Variants in FILIP1 observed in about 807,000 individuals in gnomAD.
FILIP1 encodes the protein filamin A interacting protein 1, also known as filamin-A-interacting protein 1.
In FILIP1, 61 loss-of-function variants were observed where a neutral mutation model predicts 102.1. The observed-to-expected ratio is 0.60, with a 90% CI of 0.49 to 0.74. The LOEUF is 0.74. Ranked by LOEUF, FILIP1 falls within the 30% of genes least tolerant of loss-of-function variation. FILIP1 has a pLI of 0.00. For missense variants in FILIP1, 1,314 were observed against 1,441.2 expected (o/e 0.91, Z 1.43); for synonymous variants, 491 against 526.9 (o/e 0.93, Z 0.93).
At chr6:75,420,923 C>T (rs1777441725) in intron 1 of FILIP1, among the ~76,000 whole-genome samples, 1 of 152,068 alleles carries the variant, frequency 6.6e-6, no homozygotes, top group Non-Finnish European at 1.5e-5. Flanking sequence ...GAATTTATAA[C>T]ATTTTACATA....
chr6:75,474,406 C>A (rs202189638), intron 1 of FILIP1, among the ~76,000 whole-genome samples: 1 of 152,160 alleles, frequency 6.6e-6, no homozygotes, highest in East Asian at 1.9e-4. Flanking sequence ...AACATCCATG[C>A]TGTCTTTATT....
intron 1 of FILIP1, among the ~76,000 whole-genome samples, chr6:75,457,540 C>T (rs1175652853): frequency 6.6e-6 from 1 of 151,982 alleles, no homozygotes. Context: ...ATAAGTTCCA[C>T]AAAGTTAGAA....
intron 2 of FILIP1, among the ~76,000 whole-genome samples, chr6:75,403,898 G>A (rs1168249710): frequency 6.6e-6 from 1 of 152,148 alleles, no homozygotes; most frequent in Non-Finnish European, 1.5e-5. Context: ...TGACCTTCTA[G>A]TCCCCAATGC....
chr6:75,385,829 T>C (rs1160958397), intron 2 of FILIP1: 3 of 151,200 alleles, frequency 2.0e-5, no homozygotes, highest in East Asian at 1.9e-4. Flanking sequence ...CCATTACTTG[T>C]AGCCCCTTAG....
chr6:75,330,436 T>C (rs1774037701), intron 4 of FILIP1, among the ~76,000 whole-genome samples: 1 of 152,092 alleles, frequency 6.6e-6, no homozygotes, highest in African/African-American at 2.4e-5. Flanking sequence ...ACCAGCAACG[T>C]TTTGGAGCCT....
intron 2 of FILIP1, among the ~76,000 whole-genome samples, chr6:75,379,098 T>C (rs1022433747): frequency 6.6e-6 from 1 of 152,176 alleles, no homozygotes; most frequent in African/African-American, 2.4e-5. Context: ...TGAAGTAAGG[T>C]GAATAACTTA....
At chr6:75,411,681 C>T (rs1035458856) in intron 2 of FILIP1, among the ~76,000 whole-genome samples, 1 of 152,064 alleles carries the variant, frequency 6.6e-6, no homozygotes, top group Non-Finnish European at 1.5e-5. Flanking sequence ...AAATCCTTTC[C>T]CCATTGCTTG....
At chr6:75,372,695 G>GAAAGAGAAAGAAAGAGAA (rs1554204888) in intron 2 of FILIP1, among the ~76,000 whole-genome samples, 1 of 28,342 alleles carries the variant, frequency 3.5e-5, no homozygotes, top group Admixed American at 3.5e-4. Context: ...GAGAAAGAAA[G>GAAAGAGAAAGAAAGAGAA]AGAAAGAAAG....
chr6:75,310,055 TC>T (rs1421991484), intron 5 of FILIP1, among the ~76,000 whole-genome samples: 1 of 152,252 alleles, frequency 6.6e-6, no homozygotes, highest in Non-Finnish European at 1.5e-5. Flanking sequence ...CCCTTCAATA[TC>T]CAACCCCAGT....
rs1562443346 is a variant in FILIP1 at position 75,314,531 on chromosome 6, T to C, written c.1301A>G (p.Glu434Gly). Reference protein sequence around the residue: ...EVEKLQKRMSELEKLEEAFSK... With the variant: ...EVEKLQKRMSGLEKLEEAFSK... ...AAATGCTTCTTCCAATTTCTCTAGT[T>C]CAGACATTCTCTTCTGTAGCTTCTC... The change falls in exon 5 of 6, where the codon GAA becomes GGA. Residue 434 changes from glutamate (E) to glycine (G), a missense_variant. Glu to Gly is a moderately conservative substitution (Grantham distance 98). Around this residue, in one of 3 missense-constraint regions of FILIP1, gnomAD observed 494 missense variants for 511.2 expected, o/e 0.97. Coordinates refer to ENST00000237172, the MANE Select transcript of FILIP1 (RefSeq NM_015687.5). 3 of 1,613,886 alleles carry C rather than the reference T, an allele frequency of 1.9e-6. No individual in the cohort carries two copies. Among genetic ancestry groups the C allele is most frequent in the Admixed American group, 1.7e-5 (1 of 59,970 alleles).
intron 6 of FILIP1, among the ~76,000 whole-genome samples, chr6:75,296,277 A>G (rs1158639488): frequency 1.3e-5 from 2 of 151,686 alleles, no homozygotes. Flanking sequence ...TATTTCCTAG[A>G]AGTAACTCTA....
chr6:75,491,120 T>C (rs1779944115), intron 1 of FILIP1, among the ~76,000 whole-genome samples: 1 of 152,162 alleles, frequency 6.6e-6, no homozygotes, highest in African/African-American at 2.4e-5. Flanking sequence ...ACTTCTAAAA[T>C]GTATGATCCA....
At chr6:75,439,111 C>A (rs1382922137) in intron 1 of FILIP1, among the ~76,000 whole-genome samples, 4 of 152,164 alleles carry the variant, frequency 2.6e-5, no homozygotes, top group Admixed American at 2.6e-4. Flanking sequence ...TATAGCAATT[C>A]CCTGGTTTGT....
intron 3 of FILIP1, among the ~76,000 whole-genome samples, chr6:75,359,088 C>G (rs575281437): frequency 2.6e-5 from 4 of 152,164 alleles, no homozygotes; most frequent in African/African-American, 9.6e-5. Context: ...CTGCAACTGC[C>G]GAGGCCTCCC....
chr6:75,372,699 AAG>A lies in FILIP1; in HGVS notation c.277-9784_277-9783del, dbSNP rs1216669721. 2.2e-4 allele frequency among the ~76,000 whole-genome samples: 13 copies of A among 57,918 alleles called. No homozygotes were observed. In the East Asian group the frequency reaches 2.4e-3, roughly 11 times the overall value. The allele number at this position is 57,918 out of a possible 152,430, so 38.0% of individuals were successfully genotyped here. A position where few individuals can be genotyped will look rare whatever the true frequency, so the allele number is the denominator to read the frequency against. On this transcript the variant is annotated intron_variant, in intron 2 of 5. Transcript: ENST00000237172. ...AAAGAAAGAAAGAGAAAGAAAGAGAAAGAAAGAAAGAAAGGAAAGAAAGAGAA... is the reference window on the plus strand; with the variant it reads ...AAAGAAAGAAAGAGAAAGAAAGAGAAAAAGAAAGAAAGGAAAGAAAGAGAA...
chr6:75,468,130 C>A (rs189718705), intron 1 of FILIP1, among the ~76,000 whole-genome samples: 1 of 152,292 alleles, frequency 6.6e-6, no homozygotes, highest in African/African-American at 2.4e-5. Context: ...GCATCCTCAT[C>A]CCCTCCCATA....
At chr6:75,346,713 C>T (rs1774598150) in intron 4 of FILIP1, among the ~76,000 whole-genome samples, 1 of 152,116 alleles carries the variant, frequency 6.6e-6, no homozygotes, top group South Asian at 2.1e-4. Flanking sequence ...ATACCATCTC[C>T]CACCCACCTT....
At chr6:75,465,364 T>C in intron 1 of FILIP1, 4 of 451,774 alleles carry the variant, frequency 8.9e-6, no homozygotes, top group Non-Finnish European at 1.6e-5. Flanking sequence ...AAGCAGCCCT[T>C]TTGTAAGATT....
chr6:75,343,275 T>C (rs1774474891), intron 4 of FILIP1, among the ~76,000 whole-genome samples: 1 of 152,190 alleles, frequency 6.6e-6, no homozygotes, highest in Admixed American at 6.5e-5. Flanking sequence ...TGTGAGAAAA[T>C]ACATTTCCAT....
Sources: allele counts gnomAD v4.1 joint callset (sites outside exome capture counted in the v4.1 genomes callset), GRCh38; gene constraint gnomAD v4.1.1; regional missense constraint gnomAD v4.1.1; transcripts MANE v1.5; gene names NCBI Gene and HGNC (gene_info 2026-07-23, HGNC 2026-07-21).